Variants in MAGI2 observed in about 807,000 individuals in gnomAD.
The protein encoded by MAGI2 is membrane associated guanylate kinase, WW and PDZ domain containing 2, also known as membrane-associated guanylate kinase, WW and PDZ domain-containing protein 2.
A neutral mutation model predicts 133.3 loss-of-function variants in MAGI2; 35 were observed. The observed-to-expected ratio is 0.26, with a 90% CI of 0.20 to 0.35. MAGI2 has a LOEUF of 0.35. Among genes scored for constraint, MAGI2 ranks in the 10% least tolerant of loss-of-function variants. The pLI, the probability that MAGI2 is intolerant of heterozygous loss-of-function variation, is 1.00. For synonymous variants in MAGI2, 729 were observed against 710.6 expected, an observed-to-expected ratio of 1.03 and a Z score of -0.41; for missense variants, 1,636 against 1,863.4, an observed-to-expected ratio of 0.88 and a Z score of 2.25.
chr7:78,391,915 G>C (rs1261196937), intron 6 of MAGI2, among the ~76,000 whole-genome samples: 2 of 152,314 alleles, frequency 1.3e-5, no homozygotes, highest in South Asian at 4.1e-4. Context: ...CCTGAAGTTA[G>C]TGATTGTGGG....
At chr7:78,763,724 CA>C (rs1029734864) in intron 2 of MAGI2, among the ~76,000 whole-genome samples, 64 of 136,908 alleles carry the variant, frequency 4.7e-4, no homozygotes, top group South Asian at 8.3e-4. Context: ...AAGGAAAGTA[CA>C]AAAAAATAAG....
intron 1 of MAGI2, among the ~76,000 whole-genome samples, chr7:79,085,388 T>C (rs1562873262): frequency 6.6e-6 from 1 of 151,856 alleles, no homozygotes; most frequent in Non-Finnish European, 1.5e-5. Context: ...ATTTTTGTAA[T>C]TTCTTTAATT....
chr7:79,158,635 T>G (rs2129547531), intron 1 of MAGI2, among the ~76,000 whole-genome samples: 1 of 152,184 alleles, frequency 6.6e-6, no homozygotes. Context: ...TTAATGAAAA[T>G]AGTCAAATCC....
At chr7:78,779,259 C>T (rs1826219389) in intron 2 of MAGI2, among the ~76,000 whole-genome samples, 1 of 151,948 alleles carries the variant, frequency 6.6e-6, no homozygotes, top group Non-Finnish European at 1.5e-5. Flanking sequence ...TTTTTTTCCC[C>T]CAGGCTTGAT....
At chr7:79,131,714 C>A (rs1820952062) in intron 1 of MAGI2, among the ~76,000 whole-genome samples, 1 of 152,080 alleles carries the variant, frequency 6.6e-6, no homozygotes, top group Non-Finnish European at 1.5e-5. Flanking sequence ...ACTTCAATTA[C>A]AATAGTATTG....
chr7:79,353,170 G>A (rs1841797895), intron 1 of MAGI2, among the ~76,000 whole-genome samples: 1 of 152,026 alleles, frequency 6.6e-6, no homozygotes, highest in Non-Finnish European at 1.5e-5. Flanking sequence ...AGTGGTCCTG[G>A]AAATGTCTTC....
Position 79,231,467 on chromosome 7 carries a change from C to G in MAGI2, c.301+221553G>C, listed in dbSNP as rs1316150719. Among the ~76,000 whole-genome samples, 2 of 75,650 alleles carry G rather than the reference C, an allele frequency of 2.6e-5. 1 individual carries two copies. Among genetic ancestry groups the G allele is most frequent in the African/African-American group, 7.6e-5 (2 of 26,364 alleles). 49.6% of individuals were successfully genotyped at this position (75,650 alleles called of 152,430 possible). ...ATTTGTTTGTATCCTCTTTTATTTC[C>G]TTGAGCAGTGGTTTGTAGTTCTCCT... On this transcript the variant is annotated intron_variant, in intron 1 of 21. Coordinates refer to ENST00000354212, the MANE Select transcript of MAGI2 (RefSeq NM_012301.4).
At chr7:78,246,493 A>C (rs1399895551) in intron 10 of MAGI2, among the ~76,000 whole-genome samples, 1 of 152,112 alleles carries the variant, frequency 6.6e-6, no homozygotes, top group Non-Finnish European at 1.5e-5. Context: ...GCCCGCACGC[A>C]AAACAACTAG....
At chr7:78,132,517 C>T (rs1182465351) in intron 18 of MAGI2, among the ~76,000 whole-genome samples, 1 of 152,254 alleles carries the variant, frequency 6.6e-6, no homozygotes, top group African/African-American at 2.4e-5. Context: ...TCTTCTCCTT[C>T]TGCCACCCCA....
intron 5 of MAGI2, among the ~76,000 whole-genome samples, chr7:78,495,768 G>A (rs1164641465): frequency 6.6e-6 from 1 of 152,098 alleles, no homozygotes; most frequent in African/African-American, 2.4e-5. Context: ...TATTTTTAAA[G>A]AAGTTTCATT....
intron 2 of MAGI2, among the ~76,000 whole-genome samples, chr7:78,843,214 A>G (rs1190348539): frequency 6.6e-5 from 10 of 151,866 alleles, no homozygotes. Flanking sequence ...CTGGTTGACA[A>G]CTACATGTGG....
At chr7:78,882,114 G>GA (rs542023673) in intron 2 of MAGI2, among the ~76,000 whole-genome samples, 5 of 57,894 alleles carry the variant, frequency 8.6e-5, no homozygotes, top group African/African-American at 3.1e-4. Flanking sequence ...AAAAAGAAAA[G>GA]AAAAACAAAA....
chr7:78,059,861 G>C (rs1289066932), intron 21 of MAGI2, among the ~76,000 whole-genome samples: 1 of 151,624 alleles, frequency 6.6e-6, no homozygotes, highest in East Asian at 1.9e-4. Context: ...AGACCCAGGA[G>C]ACTAGAAGGG....
intron 9 of MAGI2, among the ~76,000 whole-genome samples, chr7:78,340,986 G>T (rs142605347): frequency 2.6e-5 from 4 of 152,072 alleles, no homozygotes; most frequent in African/African-American, 9.7e-5. Flanking sequence ...GAAATAAAGC[G>T]CATTCAAATA....
intron 1 of MAGI2, among the ~76,000 whole-genome samples, chr7:79,376,837 T>G (rs575413073): frequency 2.2e-3 from 310 of 142,614 alleles, no homozygotes; most frequent in African/African-American, 5.3e-3. Flanking sequence ...TGTGTGTGTG[T>G]GTGGGTGTAT....
intron 3 of MAGI2, among the ~76,000 whole-genome samples, chr7:78,558,836 C>T (rs971781267): frequency 2.0e-5 from 2 of 98,582 alleles, no homozygotes; most frequent in African/African-American, 6.7e-5. Flanking sequence ...TTTGAGACAC[C>T]GTTTTTTTTT....
At chr7:78,792,993 C>T (rs545709791) in intron 2 of MAGI2, among the ~76,000 whole-genome samples, 46 of 152,348 alleles carry the variant, frequency 3.0e-4, no homozygotes, top group African/African-American at 8.7e-4. Flanking sequence ...GCACATGCTA[C>T]ATTTCCCAAT....
chr7:79,322,524 A>G (rs1006024840), intron 1 of MAGI2, among the ~76,000 whole-genome samples: 1 of 152,082 alleles, frequency 6.6e-6, no homozygotes, highest in Non-Finnish European at 1.5e-5. Context: ...TGAAAAAAAA[A>G]AATTAGGGCT....
At chr7:78,625,200 A>G (rs1808212653) in intron 3 of MAGI2, among the ~76,000 whole-genome samples, 1 of 152,172 alleles carries the variant, frequency 6.6e-6, no homozygotes, top group South Asian at 2.1e-4. Flanking sequence ...ATTTAAAAAT[A>G]CTATAAAATT....
Sources: allele counts gnomAD v4.1 joint callset (sites outside exome capture counted in the v4.1 genomes callset), GRCh38; gene constraint gnomAD v4.1.1; transcripts MANE v1.5; gene names NCBI Gene and HGNC (gene_info 2026-07-23, HGNC 2026-07-21).